The following NLGN1 variants were observed in gnomAD, a reference collection of about 807,000 sequenced individuals.
NLGN1 encodes the protein neuroligin 1.
In NLGN1, 12 loss-of-function variants were observed where a neutral mutation model predicts 65.5. That is an observed-to-expected ratio of 0.18 (90% CI 0.12 to 0.30). The LOEUF is 0.30. NLGN1 is among the 10% of genes least tolerant of loss of function. The pLI is 1.00. For missense variants in NLGN1, 750 were observed against 1,007.1 expected, an observed-to-expected ratio of 0.74 and a Z score of 3.46; for synonymous variants, 350 against 359.5, an observed-to-expected ratio of 0.97 and a Z score of 0.30.
chr3:174,088,048 C>T (rs1312042662), intron 4 of NLGN1, among the ~76,000 whole-genome samples: 1 of 152,008 alleles, frequency 6.6e-6, no homozygotes, highest in Non-Finnish European at 1.5e-5. Context: ...GTATGTATAG[C>T]GTATATATGC....
intron 4 of NLGN1, among the ~76,000 whole-genome samples, chr3:173,846,984 A>G (rs750816833): frequency 6.6e-6 from 1 of 152,218 alleles, no homozygotes; most frequent in Non-Finnish European, 1.5e-5. Context: ...AACATTTTTA[A>G]AGCCTTGTTT....
intron 4 of NLGN1, among the ~76,000 whole-genome samples, chr3:174,102,720 A>G (rs535121398): frequency 1.3e-5 from 2 of 152,286 alleles, no homozygotes; most frequent in South Asian, 4.1e-4. Context: ...ACAGCCCATG[A>G]ATTCTCTGAC....
At chr3:173,949,750 ATACAAATTTAT>A (rs1747850994) in intron 4 of NLGN1, among the ~76,000 whole-genome samples, 1 of 152,216 alleles carries the variant, frequency 6.6e-6, no homozygotes, top group Non-Finnish European at 1.5e-5. Flanking sequence ...ACCAGAATTT[ATACAAATTTAT>A]TACCGTGAGT....
chr3:174,258,625 C>A (rs561853088), intron 4 of NLGN1, among the ~76,000 whole-genome samples: 1 of 152,248 alleles, frequency 6.6e-6, no homozygotes, highest in African/African-American at 2.4e-5. Context: ...TACAACATTT[C>A]TTCACTAATC....
intron 4 of NLGN1, among the ~76,000 whole-genome samples, chr3:174,254,627 A>G (rs966105550): frequency 1.3e-5 from 2 of 152,080 alleles, no homozygotes; most frequent in African/African-American, 4.8e-5. Context: ...TAGGTTTTCC[A>G]TAGTGATTTT....
intron 2 of NLGN1, among the ~76,000 whole-genome samples, chr3:173,469,208 A>G (rs917105417): frequency 2.0e-5 from 3 of 152,122 alleles, no homozygotes; most frequent in East Asian, 1.9e-4. Flanking sequence ...TCAAATTACA[A>G]TAATTTGTCT....
intron 4 of NLGN1, among the ~76,000 whole-genome samples, chr3:173,874,178 A>G (rs1731699205): frequency 2.0e-5 from 3 of 152,140 alleles, no homozygotes; most frequent in Non-Finnish European, 4.4e-5. Flanking sequence ...TATCAGACTA[A>G]TACAGTGACT....
chr3:174,194,313 G>C (rs374171605), intron 4 of NLGN1, among the ~76,000 whole-genome samples: 1 of 151,854 alleles, frequency 6.6e-6, no homozygotes, highest in Non-Finnish European at 1.5e-5. Context: ...TTAGCTGGGC[G>C]TGGTGGTGCA....
chr3:174,223,780 A>G (rs1242402878), intron 4 of NLGN1, among the ~76,000 whole-genome samples: 2 of 152,188 alleles, frequency 1.3e-5, no homozygotes, highest in Non-Finnish European at 2.9e-5. Flanking sequence ...AAAGGCCCCA[A>G]ATCACCACAT....
chr3:173,423,940 A>G (rs1048576401), intron 1 of NLGN1, among the ~76,000 whole-genome samples: 1 of 152,134 alleles, frequency 6.6e-6, no homozygotes, highest in Non-Finnish European at 1.5e-5. Context: ...ACTGCAGCAG[A>G]CTTCTCCCTG....
chr3:173,585,776 C>T (rs1041539424), intron 2 of NLGN1, among the ~76,000 whole-genome samples: 2 of 152,210 alleles, frequency 1.3e-5, no homozygotes, highest in Non-Finnish European at 2.9e-5. Context: ...CACTTACTGG[C>T]TTTTCTTTCC....
At chr3:173,774,203 A>G (rs2150282241) in intron 3 of NLGN1, among the ~76,000 whole-genome samples, 1 of 152,344 alleles carries the variant, frequency 6.6e-6, no homozygotes, top group Admixed American at 6.5e-5. Context: ...CCTTTGATAT[A>G]TAGTCCTCTT....
intron 4 of NLGN1, among the ~76,000 whole-genome samples, chr3:173,862,573 T>TCCAA (rs1729362010): frequency 6.6e-6 from 1 of 150,786 alleles, no homozygotes; most frequent in African/African-American, 2.4e-5. Flanking sequence ...TATTATAGAT[T>TCCAA]CCAAATATGT....
chr3:173,584,399 ATTTTTTTTTTTTTTTTTT>A (rs66827074), intron 2 of NLGN1, among the ~76,000 whole-genome samples: 41 of 30,802 alleles, frequency 1.3e-3, no homozygotes, highest in East Asian at 2.7e-3. Context: ...GGTCCTCGGC[ATTTTTTTTTTTTTTTTTT>A]TTTTTTTTTT....
chr3:173,840,460 T>G (rs1171504974), intron 4 of NLGN1, among the ~76,000 whole-genome samples: 1 of 152,172 alleles, frequency 6.6e-6, no homozygotes, highest in African/African-American at 2.4e-5. Context: ...GTGAAGTTAG[T>G]AGTTTCTATG....
At chr3:173,704,887 C>G (rs1767808926) in intron 3 of NLGN1, among the ~76,000 whole-genome samples, 1 of 152,152 alleles carries the variant, frequency 6.6e-6, no homozygotes, top group Admixed American at 6.5e-5. Flanking sequence ...GTTTTATCCT[C>G]TCTGTGTCAT....
At chr3:174,010,175 A>G (rs1209761182) in intron 4 of NLGN1, among the ~76,000 whole-genome samples, 1 of 152,208 alleles carries the variant, frequency 6.6e-6, no homozygotes, top group African/African-American at 2.4e-5. Flanking sequence ...AAATCAAAAC[A>G]TAATACCTCT....
intron 2 of NLGN1, among the ~76,000 whole-genome samples, chr3:173,546,213 T>C (rs545271337): frequency 1.3e-5 from 2 of 152,318 alleles, no homozygotes; most frequent in African/African-American, 4.8e-5. Context: ...ATCATTATGG[T>C]TGGATTTATG....
chr3:174,188,746 A>T (rs543068870), intron 4 of NLGN1, among the ~76,000 whole-genome samples: 1 of 152,082 alleles, frequency 6.6e-6, no homozygotes, highest in East Asian at 1.9e-4. Context: ...TCAAAATAAC[A>T]CTAGAAGAAT....
Sources: gnomAD v4.1 joint callset for allele counts (sites outside exome capture counted in the v4.1 genomes callset) on GRCh38, gnomAD v4.1.1 for gene constraint, MANE v1.5 for transcripts, NCBI Gene and HGNC (gene_info 2026-07-23, HGNC 2026-07-21) for gene names.